Variants in HIPK1 observed in about 807,000 individuals in gnomAD.
The protein encoded by HIPK1 is homeodomain interacting protein kinase 1, also known as homeodomain-interacting protein kinase 1.
In HIPK1, 28 loss-of-function variants were observed where a neutral mutation model predicts 117.1. The ratio of observed to expected loss-of-function variants is 0.24; its 90% CI spans 0.18 to 0.33. The LOEUF is 0.33. Among genes scored for constraint, HIPK1 ranks in the 10% least tolerant of loss-of-function variants. The pLI is 1.00. For synonymous variants in HIPK1, 605 were observed against 562.5 expected (o/e 1.08, Z -1.07); for missense variants, 1,122 against 1,475.1 (o/e 0.76, Z 3.92).
At chr1:113,958,925 G>A (rs1337612338) in intron 8 of HIPK1, among the ~76,000 whole-genome samples, 4 of 152,052 alleles carry the variant, frequency 2.6e-5, no homozygotes, top group South Asian at 2.1e-4. Flanking sequence ...AGGAGGAGGC[G>A]GAGTCCCTGT....
intron 1 of HIPK1, among the ~76,000 whole-genome samples, chr1:113,933,387 C>T (rs1289047202): frequency 6.6e-6 from 1 of 152,108 alleles, no homozygotes; most frequent in Non-Finnish European, 1.5e-5. Flanking sequence ...TGGGGAAAAG[C>T]GCAGATGAAA....
Position 113,973,449 on chromosome 1 carries a change from C to T in HIPK1, c.3570C>T (p.Gly1190=). ...AATCCTACATTGGGTCTTCCCGAGG[C>T]TCAACAATTTACACTGGATACCCGC... ...ATQSYIGSSR[G]STIYTGYPLS... The change falls in exon 16 of 16, where the codon GGC becomes GGT. Residue 1190 remains glycine (G), a synonymous_variant. Transcript: ENST00000426820. The T allele has an allele frequency of 6.2e-7, 1 of 1,613,676 alleles. No individual in the cohort carries two copies. Among genetic ancestry groups the T allele is most frequent in the Non-Finnish European group, 8.5e-7 (1 of 1,179,740 alleles).
chr1:113,934,889 C>T (rs1162393734), intron 1 of HIPK1, among the ~76,000 whole-genome samples: 5 of 144,660 alleles, frequency 3.5e-5, no homozygotes, highest in African/African-American at 1.3e-4. Flanking sequence ...ACTTGGATGG[C>T]TGAAGCAGAG....
chr1:113,967,763 C>T lies in HIPK1; in HGVS notation c.2382-3C>T. The T allele has an allele frequency of 6.7e-7, 1 of 1,503,654 alleles. No homozygotes were observed. Among genetic ancestry groups the T allele is most frequent in the African/African-American group, 1.4e-5 (1 of 70,136 alleles). The allele number at this position is 1,503,654 out of a possible 1,614,324, so 93.1% of individuals were successfully genotyped here. On this transcript the variant is annotated splice_polypyrimidine_tract_variant and splice_region_variant and intron_variant, in intron 11 of 15. Coordinates refer to ENST00000426820, the MANE Select transcript of HIPK1 (RefSeq NM_198268.3). ...ACTCTTCTCTTTCTTTCTGTTGGTACAGGAATGCCCACTCTCATGGCAACC... is the reference window on the plus strand; with the variant it reads ...ACTCTTCTCTTTCTTTCTGTTGGTATAGGAATGCCCACTCTCATGGCAACC...
In HIPK1 at chr1:113,963,410, A is replaced by G. The variant is rs779623674; in HGVS notation, c.2127A>G (p.Val709=). The G allele has an allele frequency of 6.2e-7, 1 of 1,614,210 alleles. No homozygotes were observed. Among genetic ancestry groups the G allele is most frequent in the Non-Finnish European group, 8.5e-7 (1 of 1,180,012 alleles). Residue 709 remains valine, a synonymous_variant, in exon 10 of 16, where the codon GTA becomes GTG. Transcript: ENST00000426820. ...AGGGAAGCTGTACACCACTAATGGT[A>G]GCAACTCTCCACCCTCAAGTAGCCA... ...LTQGSCTPLM[V]ATLHPQVATI... is the part of the protein sequence containing the mutation.
chr1:113,940,372 C>T lies in HIPK1; in HGVS notation c.-2-10C>T, dbSNP rs1317353337. The T allele has an allele frequency of 3.2e-6, 5 of 1,559,326 alleles. No individual in the cohort carries two copies. The South Asian group carries it at 6.0e-5, about 19-fold the overall frequency. On this transcript the variant is annotated splice_polypyrimidine_tract_variant and intron_variant, in intron 1 of 15. Transcript: ENST00000426820. ...CCTTGTGGTCTAATTCTTCCTTTCT[C>T]TCAATATAGGTATGGCATCACAGCT...
intron 13 of HIPK1, 29 bp downstream of exon 13, chr1:113,968,677 A>G (rs767938533): frequency 4.4e-6 from 7 of 1,585,854 alleles, no homozygotes; most frequent in South Asian, 1.1e-5. Flanking sequence ...TCCTGGCTCT[A>G]TTGGTTTTAG....
chr1:113,933,113 T>C, intron 1 of HIPK1: 2 of 898,288 alleles, frequency 2.2e-6, no homozygotes, highest in Non-Finnish European at 2.7e-6. Flanking sequence ...ACAAAGCACT[T>C]ACTTTTCTTT....
At chr1:113,961,942 CAAAAAAAAAAAAAAAA>C (rs957986733) in intron 8 of HIPK1, among the ~76,000 whole-genome samples, 1 of 32,304 alleles carries the variant, frequency 3.1e-5, no homozygotes, top group African/African-American at 9.7e-5. Flanking sequence ...GACTCCATCT[CAAAAAAAAAAAAAAAA>C]AAAAAAAAAA....
At chr1:113,972,558 TGA>T (rs562200785) in intron 15 of HIPK1, among the ~76,000 whole-genome samples, 29 of 152,314 alleles carry the variant, frequency 1.9e-4, no homozygotes, top group Non-Finnish European at 4.1e-4. Context: ...TGAGGGTATG[TGA>T]GAGAGAGCAC....
At chr1:113,963,593 TG>T in intron 10 of HIPK1, 72 bp downstream of exon 10, 1 of 1,536,118 alleles carries the variant, frequency 6.5e-7, no homozygotes, top group Non-Finnish European at 8.7e-7. Context: ...TTTTCCTGTT[TG>T]TTTTTGTTCT....
chr1:113,966,478 ATTTC>A (rs1282651997), intron 11 of HIPK1, among the ~76,000 whole-genome samples: 1 of 152,218 alleles, frequency 6.6e-6, no homozygotes, highest in Non-Finnish European at 1.5e-5. Context: ...GTCAGGAATC[ATTTC>A]TTCTAGATTT....
At chr1:113,939,554 A>C (rs184936342) in intron 1 of HIPK1, among the ~76,000 whole-genome samples, 1 of 152,228 alleles carries the variant, frequency 6.6e-6, no homozygotes, top group East Asian at 1.9e-4. Flanking sequence ...TTAAGTAGTC[A>C]TTTGGATATA....
chr1:113,937,918 T>C (rs766494833), intron 1 of HIPK1, among the ~76,000 whole-genome samples: 6 of 151,124 alleles, frequency 4.0e-5, no homozygotes, highest in Admixed American at 6.6e-5. Flanking sequence ...AGTGGGGAGA[T>C]GTTGGAAGGC....
Position 113,970,141 on chromosome 1 carries a change from T to C in HIPK1, c.2957T>C (p.Ile986Thr), listed in dbSNP as rs1672725813. 6.2e-7 allele frequency: 1 copy of C among 1,614,178 alleles called. No homozygotes were observed. The highest frequency in any genetic ancestry group is 8.5e-7 in the Non-Finnish European group (1 of 1,180,022). The change falls in exon 14 of 16, where the codon ATT becomes ACT. Residue 986 changes from isoleucine (I) to threonine (T), a missense_variant. Transcript: ENST00000426820. ...VADGTGTRTI[I>T]VPPLKTQLGD... ...GATGGCACTGGCACCCGCACTATCA[T>C]TGTGCCTCCACTGAAAACTCAGCTT...
At chr1:113,948,276 GT>G (rs1202513607) in intron 2 of HIPK1, among the ~76,000 whole-genome samples, 2 of 152,060 alleles carry the variant, frequency 1.3e-5, no homozygotes, top group African/African-American at 4.8e-5. Flanking sequence ...TTTTTTGTTT[GT>G]TTTTGAGACA....
At position 113,938,635 on chromosome 1, in the gene HIPK1, G is replaced by A. The variant is rs1670409900; in HGVS notation, c.-2-1747G>A. On this transcript the variant is annotated intron_variant, in intron 1 of 15. Transcript: ENST00000426820. ...TTGAAATATACTTAGGAGGCCAGGG[G>A]CAGTGGCTCACGCCTGTAATCCCAG... 3.3e-5 allele frequency among the ~76,000 whole-genome samples: 5 copies of A among 151,976 alleles called. No homozygotes were observed. The South Asian group carries it at 1.0e-3, about 32-fold the overall frequency.
chr1:113,971,363 C>G (rs985954446), intron 14 of HIPK1, among the ~76,000 whole-genome samples: 2 of 152,226 alleles, frequency 1.3e-5, no homozygotes, highest in African/African-American at 4.8e-5. Context: ...CCTGTAATTT[C>G]TAAGAATTTG....
chr1:113,956,447 T>G (rs1183537716), intron 5 of HIPK1, among the ~76,000 whole-genome samples, 180 bp from the exon 6 acceptor site: 1 of 152,184 alleles, frequency 6.6e-6, no homozygotes, highest in Non-Finnish European at 1.5e-5. Flanking sequence ...AGATTTTAAT[T>G]AAACAGCATA....
Sources: gnomAD v4.1 joint callset for allele counts (sites outside exome capture counted in the v4.1 genomes callset) on GRCh38, gnomAD v4.1.1 for gene constraint, MANE v1.5 for transcripts, NCBI Gene and HGNC (gene_info 2026-07-23, HGNC 2026-07-21) for gene names.